ANKRD30BL: variants seen among roughly 807,000 people sequenced by gnomAD.
ANKRD30BL encodes the protein putative ankyrin repeat domain-containing protein 30B-like.
ANKRD30BL carries 20 observed loss-of-function variants against 18.4 expected under a neutral mutation model. The observed-to-expected ratio is 1.09, with a 90% CI of 0.77 to 1.58. ANKRD30BL has a LOEUF of 1.58. ANKRD30BL is among the 40% of genes most tolerant of loss of function. The pLI is 0.00. For missense variants in ANKRD30BL, 224 were observed against 268.6 expected (o/e 0.83, Z 1.16); for synonymous variants, 72 against 100.9 (o/e 0.71, Z 1.72).
intron 1 of ANKRD30BL, among the ~76,000 whole-genome samples, chr2:132,212,588 C>T (rs1173342055): frequency 6.6e-6 from 1 of 151,936 alleles, no homozygotes; most frequent in Non-Finnish European, 1.5e-5. Context: ...TTTGTAGAAT[C>T]TGCTAGTGGA....
intron 1 of ANKRD30BL, among the ~76,000 whole-genome samples, chr2:132,235,543 AACAG>A (rs1379004067): frequency 6.6e-6 from 1 of 152,130 alleles, no homozygotes; most frequent in South Asian, 2.1e-4. Flanking sequence ...ATACACCAAC[AACAG>A]ACAAACAGAG....
At chr2:132,188,623 T>C (rs1178848492) in intron 1 of ANKRD30BL, among the ~76,000 whole-genome samples, 4 of 152,046 alleles carry the variant, frequency 2.6e-5, no homozygotes, top group Non-Finnish European at 5.9e-5. Flanking sequence ...GGCAGGAGAA[T>C]GGCGTGAACC....
At chr2:132,242,545 AT>A (rs34604734) in intron 1 of ANKRD30BL, among the ~76,000 whole-genome samples, 26,095 of 151,352 alleles carry the variant, frequency 0.17, 4,961 homozygotes, top group African/African-American at 0.48. Flanking sequence ...ATATCTTTCC[AT>A]TAAAAACTAG....
intron 1 of ANKRD30BL, among the ~76,000 whole-genome samples, chr2:132,206,701 A>G (rs577541171): frequency 6.6e-6 from 1 of 152,288 alleles, no homozygotes; most frequent in African/African-American, 2.4e-5. Flanking sequence ...TTCTTTAAGG[A>G]GGTGTAATTT....
intron 1 of ANKRD30BL, among the ~76,000 whole-genome samples, chr2:132,184,375 G>T (rs1254818969): frequency 2.0e-5 from 3 of 152,206 alleles, no homozygotes; most frequent in Admixed American, 2.0e-4. Context: ...GAGCAGTGCA[G>T]TTGTAAAAGG....
upstream of ANKRD30BL, among the ~76,000 whole-genome samples, chr2:132,162,241 A>G (rs1238565272): frequency 6.6e-6 from 1 of 152,164 alleles, no homozygotes; most frequent in South Asian, 2.1e-4. Flanking sequence ...TCTTGCAGCC[A>G]GGGACCCATC....
chr2:132,246,764 G>A (rs2104803510), intron 1 of ANKRD30BL, among the ~76,000 whole-genome samples: 1 of 151,844 alleles, frequency 6.6e-6, no homozygotes, highest in South Asian at 2.1e-4. Flanking sequence ...TCTGTAATTG[G>A]AAATTTTGAG....
chr2:132,156,853 A>C, intron 3 of ANKRD30BL, 120 bp downstream of exon 3: 1 of 451,532 alleles, frequency 2.2e-6, no homozygotes, highest in Non-Finnish European at 3.8e-6. Context: ...AAGTTTTCTC[A>C]AACTATTTTC....
chr2:132,178,301 T>C (rs1425262512), intron 1 of ANKRD30BL, among the ~76,000 whole-genome samples: 3 of 152,228 alleles, frequency 2.0e-5, no homozygotes, highest in Non-Finnish European at 4.4e-5. Context: ...ATAAAGTCTG[T>C]GGGAACCAAA....
chr2:132,213,344 CT>C (rs1282766369), intron 1 of ANKRD30BL, among the ~76,000 whole-genome samples: 1 of 152,054 alleles, frequency 6.6e-6, no homozygotes, highest in Non-Finnish European at 1.5e-5. Flanking sequence ...TCACAAGCTT[CT>C]TTGTGATGTG....
chr2:132,196,121 G>A (rs554218778), intron 1 of ANKRD30BL, among the ~76,000 whole-genome samples: 2 of 142,208 alleles, frequency 1.4e-5, no homozygotes, highest in East Asian at 4.1e-4. Context: ...CAGCCTGGGC[G>A]ACAGAGCTAG....
At chr2:132,254,081 T>C (rs2104812792) in intron 1 of ANKRD30BL, among the ~76,000 whole-genome samples, 1 of 147,856 alleles carries the variant, frequency 6.8e-6, no homozygotes, top group East Asian at 2.1e-4. Context: ...GACACACACA[T>C]GGGGGCCACA....
chr2:132,214,175 C>A (rs796181856), intron 1 of ANKRD30BL, among the ~76,000 whole-genome samples: 1 of 151,874 alleles, frequency 6.6e-6, no homozygotes, highest in Non-Finnish European at 1.5e-5. Flanking sequence ...AAAAACTATA[C>A]AGAAACATTC....
At chr2:132,154,928 C>T (rs972462742) in intron 3 of ANKRD30BL, 160 bp from the exon 4 acceptor site, 5 of 465,110 alleles carry the variant, frequency 1.1e-5, no homozygotes, top group African/African-American at 1.0e-4. Flanking sequence ...ACTGCACCTT[C>T]TCTTGTAAAC....
intron 1 of ANKRD30BL, among the ~76,000 whole-genome samples, chr2:132,214,233 T>A (rs1182825541): frequency 6.6e-6 from 1 of 152,072 alleles, no homozygotes; most frequent in Non-Finnish European, 1.5e-5. Flanking sequence ...GAATTGAACC[T>A]TCCTTTTAAT....
intron 1 of ANKRD30BL, among the ~76,000 whole-genome samples, chr2:132,241,533 G>T (rs1281349878): frequency 6.6e-6 from 1 of 151,780 alleles, no homozygotes; most frequent in Non-Finnish European, 1.5e-5. Context: ...TAACTAGTTA[G>T]AAGCATTCTC....
At chr2:132,216,034 A>G (rs535277642) in intron 1 of ANKRD30BL, among the ~76,000 whole-genome samples, 33 of 152,056 alleles carry the variant, frequency 2.2e-4, no homozygotes, top group Admixed American at 2.1e-3. Flanking sequence ...AAAAGGAAAT[A>G]TCTTCATAGA....
intron 1 of ANKRD30BL, among the ~76,000 whole-genome samples, chr2:132,167,294 T>A (rs1384550155): frequency 2.2e-5 from 2 of 92,170 alleles, no homozygotes; most frequent in African/African-American, 1.1e-4. Flanking sequence ...TATTTTATTT[T>A]ATTTTATTTT....
chr2:132,206,946 T>C (rs998968962), intron 1 of ANKRD30BL, among the ~76,000 whole-genome samples: 7 of 152,186 alleles, frequency 4.6e-5, no homozygotes, highest in Non-Finnish European at 1.0e-4. Flanking sequence ...ACCTCCATCC[T>C]CACATGGCCA....
Sources: allele counts gnomAD v4.1 joint callset (sites outside exome capture counted in the v4.1 genomes callset), GRCh38; gene constraint gnomAD v4.1.1; transcripts MANE v1.5; gene names NCBI Gene and HGNC (gene_info 2026-07-23, HGNC 2026-07-21).